The following VDR variants were observed in gnomAD, a reference collection of about 807,000 sequenced individuals.
The protein encoded by VDR is vitamin D receptor, also known as vitamin D3 receptor.
Under a neutral mutation model 39.7 loss-of-function variants are expected in VDR, and 19 were observed. That is an observed-to-expected ratio of 0.48 (90% CI 0.33 to 0.70). The LOEUF is 0.70. Ranked by LOEUF, VDR falls within the 30% of genes least tolerant of loss-of-function variation. VDR has a pLI of 0.02. For synonymous variants in VDR, 242 were observed against 215.8 expected (o/e 1.12, Z -1.07); for missense variants, 442 against 570.5 (o/e 0.77, Z 2.29).
At chr12:47,882,965 G>C in intron 1 of VDR, 191 bp from the exon 2 acceptor site, 1 of 532,512 alleles carries the variant, frequency 1.9e-6, no homozygotes, top group Non-Finnish European at 3.3e-6. Context: ...TGGCGGCTGG[G>C]CAGCAGCCAG....
chr12:47,855,893 G>A, intron 6 of VDR, 92 bp from the exon 7 acceptor site: 3 of 1,505,262 alleles, frequency 2.0e-6, no homozygotes, highest in Non-Finnish European at 2.8e-6. Flanking sequence ...GTGTGCCCTG[G>A]CAGCAGAGCC....
At chr12:47,857,063 A>G (rs892451968) in intron 6 of VDR, 66 bp downstream of exon 6, 7 of 1,608,910 alleles carry the variant, frequency 4.4e-6, no homozygotes, top group Non-Finnish European at 5.9e-6. Flanking sequence ...CAGCAGCCCC[A>G]GGGCAGGTGC....
chr12:47,904,472 A>AAAAAAAAAAAAAAAAAAAAAAAAC (rs1946630725), intron 1 of VDR: 1 of 903,910 alleles, frequency 1.1e-6, no homozygotes, highest in African/African-American at 1.8e-5. Flanking sequence ...TAAAAAAAAA[A>AAAAAAAAAAAAAAAAAAAAAAAAC]AAAAAAAAAA....
intron 9 of VDR, among the ~76,000 whole-genome samples, chr12:47,845,730 G>A (rs370115143): frequency 3.3e-5 from 5 of 152,260 alleles, no homozygotes; most frequent in East Asian, 1.9e-4. Flanking sequence ...CATTCCTTGA[G>A]CCTCCAGTCC....
At chr12:47,855,983 C>T (rs912518312) in intron 6 of VDR, among the ~76,000 whole-genome samples, 182 bp from the exon 7 acceptor site, 3 of 152,196 alleles carry the variant, frequency 2.0e-5, no homozygotes, top group Non-Finnish European at 2.9e-5. Context: ...CCTCTTTCAG[C>T]AGCATAAGGC....
chr12:47,897,132 T>C (rs1946477953), intron 1 of VDR: 1 of 152,230 alleles, frequency 6.6e-6, no homozygotes, highest in African/African-American at 2.4e-5. Flanking sequence ...GCAAGGAATT[T>C]AGCCTCTTAA....
At chr12:47,883,836 G>A (rs1434304835) in intron 1 of VDR, among the ~76,000 whole-genome samples, 1 of 152,222 alleles carries the variant, frequency 6.6e-6, no homozygotes, top group African/African-American at 2.4e-5. Flanking sequence ...TCCTAGAACT[G>A]TGAGCCGACT....
chr12:47,891,453 A>G (rs371388872), intron 1 of VDR, among the ~76,000 whole-genome samples: 9 of 152,340 alleles, frequency 5.9e-5, no homozygotes, highest in East Asian at 5.8e-4. Flanking sequence ...TGTGAAGGGC[A>G]GGATGCCTGC....
At chr12:47,854,802 C>T (rs1190926471) in intron 7 of VDR, among the ~76,000 whole-genome samples, 1 of 152,254 alleles carries the variant, frequency 6.6e-6, no homozygotes, top group Non-Finnish European at 1.5e-5. Flanking sequence ...TGCAGAGTAA[C>T]GCAAGACAGG....
chr12:47,875,171 C>T (rs1018785209), intron 3 of VDR, among the ~76,000 whole-genome samples: 2 of 152,228 alleles, frequency 1.3e-5, no homozygotes, highest in Non-Finnish European at 2.9e-5. Context: ...CATCACACTT[C>T]AGCTAGATTA....
In VDR at chr12:47,879,039, C is replaced by T; in HGVS notation, c.75G>A (p.Gly25=). The change falls in exon 3 of 10, where the codon GGG becomes GGA. Residue 25 remains glycine (G), a synonymous_variant. Coordinates refer to ENST00000549336, the MANE Select transcript of VDR (RefSeq NM_000376.3). ...DFDRNVPRIC[G]VCGDRATGFH... ...AGCCAGTGGCTCGGTCTCCACACAC[C>T]CCACAGATCCGGGGCACGTTCCGGT... The T allele has an allele frequency of 6.2e-7, 1 of 1,614,180 alleles. No homozygotes were observed. Among genetic ancestry groups the T allele is most frequent in the Non-Finnish European group, 8.5e-7 (1 of 1,180,016 alleles).
chr12:47,895,416 G>A (rs1001079086), intron 1 of VDR, among the ~76,000 whole-genome samples: 16 of 152,190 alleles, frequency 1.1e-4, no homozygotes, highest in African/African-American at 3.1e-4. Context: ...AAGGAGGAGG[G>A]GAGAAAGGAA....
At chr12:47,857,391 C>T in intron 5 of VDR, 113 bp downstream of exon 5, 1 of 1,601,738 alleles carries the variant, frequency 6.2e-7, no homozygotes, top group South Asian at 1.1e-5. Context: ...AGCCTCCGTC[C>T]CTACCCCAGT....
chr12:47,857,726 C>G, intron 4 of VDR, 38 bp from the exon 5 acceptor site: 1 of 1,603,898 alleles, frequency 6.2e-7, no homozygotes, highest in Non-Finnish European at 8.5e-7. Flanking sequence ...GGCTGGCCAG[C>G]AGCTCCTCCA....
rs1445674896 is a variant in VDR, at chr12:47,844,520, A to T, written c.*226T>A. 1 of 641,160 alleles carries T rather than the reference A, an allele frequency of 1.6e-6. No homozygotes were observed. The highest frequency in any genetic ancestry group is 1.8e-5 in the African/African-American group (1 of 54,598). The allele number at this position is 641,160 out of a possible 1,614,324, so 39.7% of individuals were successfully genotyped here. A position where few individuals can be genotyped will look rare whatever the true frequency, so the allele number is the denominator to read the frequency against. On this transcript the variant is annotated 3_prime_UTR_variant, in exon 10 of 10. Coordinates refer to ENST00000549336, the MANE Select transcript of VDR (RefSeq NM_000376.3). ...CCACTTGGGTTTCTTTGTCAAACAA[A>T]CAGCAACTCCTCATGGCTGAGGTCT...
At chr12:47,863,767 C>T (rs565657311) in intron 4 of VDR, among the ~76,000 whole-genome samples, 2 of 152,282 alleles carry the variant, frequency 1.3e-5, no homozygotes, top group African/African-American at 4.8e-5. Context: ...GGCTGGGGAG[C>T]CGTCAGATCA....
intron 3 of VDR, among the ~76,000 whole-genome samples, chr12:47,872,335 A>G (rs1945900732): frequency 6.6e-6 from 1 of 152,224 alleles, no homozygotes; most frequent in Admixed American, 6.5e-5. Context: ...CCCTAAATAA[A>G]GGGAAAGAAG....
intron 7 of VDR, among the ~76,000 whole-genome samples, chr12:47,852,963 T>C (rs927298317): frequency 6.6e-6 from 1 of 152,222 alleles, no homozygotes; most frequent in Non-Finnish European, 1.5e-5. Context: ...CTGCCGTAAA[T>C]ACAGCTATTG....
chr12:47,893,047 C>T (rs1016759016), intron 1 of VDR, among the ~76,000 whole-genome samples: 6 of 152,142 alleles, frequency 3.9e-5, no homozygotes, highest in Non-Finnish European at 5.9e-5. Flanking sequence ...GAGAGGGTGC[C>T]AGGAAGAGAC....
Sources: allele counts gnomAD v4.1 joint callset (sites outside exome capture counted in the v4.1 genomes callset), GRCh38; gene constraint gnomAD v4.1.1; transcripts MANE v1.5; gene names NCBI Gene and HGNC (gene_info 2026-07-23, HGNC 2026-07-21).